STXBP6: variants seen among roughly 807,000 people sequenced by gnomAD.
STXBP6 encodes syntaxin binding protein 6.
A neutral mutation model predicts 26.9 loss-of-function variants in STXBP6; 21 were observed. The ratio of observed to expected loss-of-function variants is 0.78; its 90% CI spans 0.55 to 1.12. The LOEUF (loss-of-function observed/expected upper bound fraction) is 1.12. Ranked by LOEUF, STXBP6 falls within the 50% of genes most tolerant of loss-of-function variation. The pLI, the probability that STXBP6 is intolerant of heterozygous loss-of-function variation, is 0.00. For missense variants in STXBP6, 232 were observed against 257.9 expected, an observed-to-expected ratio of 0.90 and a Z score of 0.69; for synonymous variants, 97 against 92.6, an observed-to-expected ratio of 1.05 and a Z score of -0.27.
intron 1 of STXBP6, among the ~76,000 whole-genome samples, chr14:24,996,538 C>G (rs1047081478): frequency 6.6e-6 from 1 of 151,752 alleles, no homozygotes; most frequent in African/African-American, 2.4e-5. Flanking sequence ...CTCTTTGCTT[C>G]TCTCCTTAAA....
intron 2 of STXBP6, among the ~76,000 whole-genome samples, chr14:24,958,703 G>GT (rs2073422916): frequency 6.6e-6 from 1 of 152,126 alleles, no homozygotes; most frequent in Admixed American, 6.6e-5. Context: ...AGGAAAATGA[G>GT]TAATGCAAGG....
chr14:24,945,139 ATTT>A lies in STXBP6; in HGVS notation c.154+29523_154+29525del, dbSNP rs552562019. ...TGGCATGTATATGAACCAATTAGGA[ATTT>A]TTTTTTTTTTTTTTTTTTTTTTTTA... is the stretch of plus-strand genomic sequence containing the variant. On this transcript the variant is annotated intron_variant, in intron 2 of 5. Coordinates refer to ENST00000323944, the MANE Select transcript of STXBP6 (RefSeq NM_001394410.1). Among the ~76,000 whole-genome samples, 236 of 100,692 alleles carry A rather than the reference ATTT, an allele frequency of 2.3e-3. 3 individuals carry two copies. The highest frequency in any genetic ancestry group is 5.8e-3 in the African/African-American group (159 of 27,516). 66.1% of individuals were successfully genotyped at this position (100,692 alleles called of 152,430 possible).
At chr14:24,891,916 G>A (rs535223758) in intron 2 of STXBP6, among the ~76,000 whole-genome samples, 1 of 152,014 alleles carries the variant, frequency 6.6e-6, no homozygotes, top group Non-Finnish European at 1.5e-5. Context: ...TTCACTTTTT[G>A]TTAACCCCCA....
intron 2 of STXBP6, among the ~76,000 whole-genome samples, chr14:24,945,271 G>T (rs562921078): frequency 6.8e-6 from 1 of 147,936 alleles, no homozygotes; most frequent in Non-Finnish European, 1.5e-5. Context: ...TTCTGAACCA[G>T]TCAGCCTTTG....
intron 2 of STXBP6, among the ~76,000 whole-genome samples, chr14:24,907,030 G>C (rs1445197584): frequency 1.3e-5 from 2 of 152,002 alleles, no homozygotes; most frequent in African/African-American, 4.8e-5. Flanking sequence ...GGGGAAAAGG[G>C]GAATAAAGAA....
intron 2 of STXBP6, among the ~76,000 whole-genome samples, chr14:24,918,102 G>C (rs2071832825): frequency 6.6e-6 from 1 of 152,070 alleles, no homozygotes; most frequent in African/African-American, 2.4e-5. Flanking sequence ...GGTTGCCAAG[G>C]GCTGGGGGAG....
At chr14:24,890,064 A>G (rs984025916) in intron 2 of STXBP6, among the ~76,000 whole-genome samples, 2 of 152,230 alleles carry the variant, frequency 1.3e-5, no homozygotes, top group East Asian at 3.8e-4. Context: ...AGGTATTGCT[A>G]TGGACTGCAA....
chr14:24,933,586 G>T (rs2072499292), intron 2 of STXBP6, among the ~76,000 whole-genome samples: 2 of 152,080 alleles, frequency 1.3e-5, no homozygotes, highest in East Asian at 1.9e-4. Flanking sequence ...TTTTAAAAAT[G>T]TATTTTTATT....
At chr14:25,037,318 A>C (rs1369160193) in intron 1 of STXBP6, among the ~76,000 whole-genome samples, 1 of 152,196 alleles carries the variant, frequency 6.6e-6, no homozygotes, top group Non-Finnish European at 1.5e-5. Context: ...GCTGCAACAG[A>C]GTTTTGTTAA....
chr14:25,012,992 T>C (rs2075064962), intron 1 of STXBP6, among the ~76,000 whole-genome samples: 1 of 152,026 alleles, frequency 6.6e-6, no homozygotes, highest in South Asian at 2.1e-4. Context: ...TTTGGGAGGC[T>C]GAGGTGGGAG....
chr14:24,854,858 C>T (rs558044022), intron 4 of STXBP6, among the ~76,000 whole-genome samples: 3 of 152,020 alleles, frequency 2.0e-5, no homozygotes, highest in East Asian at 3.9e-4. Context: ...GGATGTGACC[C>T]CTTGAAAAAA....
chr14:24,833,315 G>A (rs763017469), intron 4 of STXBP6, among the ~76,000 whole-genome samples: 3 of 152,220 alleles, frequency 2.0e-5, no homozygotes, highest in African/African-American at 4.8e-5. Flanking sequence ...TGAGGTGGAA[G>A]AGAGGTATTC....
At chr14:25,028,820 T>C (rs1344785817) in intron 1 of STXBP6, among the ~76,000 whole-genome samples, 1 of 152,078 alleles carries the variant, frequency 6.6e-6, no homozygotes, top group East Asian at 1.9e-4. Context: ...GAGGTCAAAA[T>C]ATCAACATTA....
chr14:25,049,953 G>T lies in STXBP6; in HGVS notation c.-108C>A. 1.1e-6 allele frequency: 1 copy of T among 882,892 alleles called. No individual in the cohort carries two copies. The highest frequency in any genetic ancestry group is 1.4e-6 in the Non-Finnish European group (1 of 738,230). 54.7% of individuals were successfully genotyped at this position (882,892 alleles called of 1,614,324 possible). On this transcript the variant is annotated 5_prime_UTR_variant, in exon 1 of 6. Coordinates refer to ENST00000323944, the MANE Select transcript of STXBP6 (RefSeq NM_001394410.1). The surrounding 1 kb of genome is among the most constrained non-coding windows in gnomAD (Gnocchi z 5.6). ...AGAGCACGAGGCTCCTCCCCGGGGGGCTGCCCCGCGCGGGGCTCCGGGCTC... is the reference window on the plus strand; with the variant it reads ...AGAGCACGAGGCTCCTCCCCGGGGGTCTGCCCCGCGCGGGGCTCCGGGCTC...
intron 2 of STXBP6, among the ~76,000 whole-genome samples, chr14:24,948,057 T>C (rs2073049963): frequency 6.6e-6 from 1 of 152,174 alleles, no homozygotes; most frequent in African/African-American, 2.4e-5. Context: ...TTTGCCTTAG[T>C]ATTACACAGA....
At chr14:25,021,004 T>C (rs978830255) in intron 1 of STXBP6, among the ~76,000 whole-genome samples, 1 of 152,022 alleles carries the variant, frequency 6.6e-6, no homozygotes, top group Non-Finnish European at 1.5e-5. Flanking sequence ...CCCTACCACA[T>C]TTCTCTTACC....
intron 1 of STXBP6, among the ~76,000 whole-genome samples, chr14:25,034,989 A>T (rs1378603032): frequency 6.6e-6 from 1 of 152,052 alleles, no homozygotes; most frequent in African/African-American, 2.4e-5. Context: ...CGTCTCTACT[A>T]CAAATACAAA....
At chr14:24,980,461 T>C (rs573706432) in intron 1 of STXBP6, among the ~76,000 whole-genome samples, 164 of 152,360 alleles carry the variant, frequency 1.1e-3, no homozygotes, top group Non-Finnish European at 1.4e-3. Context: ...AGTTTTTCCA[T>C]GTAATTCAAC....
intron 2 of STXBP6, among the ~76,000 whole-genome samples, chr14:24,907,423 T>C (rs1210929179): frequency 6.6e-6 from 1 of 152,166 alleles, no homozygotes; most frequent in Non-Finnish European, 1.5e-5. Context: ...AGAGCATTAT[T>C]AAAGTACACA....
Sources: gnomAD v4.1 joint callset for allele counts (sites outside exome capture counted in the v4.1 genomes callset) on GRCh38, gnomAD v4.1.1 for gene constraint, Gnocchi (gnomAD v3.1) non-coding constraint, MANE v1.5 for transcripts, NCBI Gene and HGNC (gene_info 2026-07-23, HGNC 2026-07-21) for gene names.